Variants in INPP5A observed in about 807,000 individuals in gnomAD.
INPP5A encodes inositol polyphosphate-5-phosphatase A.
In INPP5A, 14 loss-of-function variants were observed where a neutral mutation model predicts 65.2. The observed-to-expected ratio is 0.21, with a 90% CI of 0.14 to 0.34. INPP5A has a LOEUF of 0.34. Ranked by LOEUF, INPP5A falls within the 10% of genes least tolerant of loss-of-function variation. The probability of loss-of-function intolerance (pLI) is 1.00; values close to 1 mark genes in which losing one functional copy is unlikely to be tolerated. For synonymous variants in INPP5A, 207 were observed against 208.3 expected, an observed-to-expected ratio of 0.99 and a Z score of 0.05; for missense variants, 431 against 545.6, an observed-to-expected ratio of 0.79 and a Z score of 2.09.
In INPP5A at chr10:132,759,072, T is replaced by G. The variant is rs555513727; in HGVS notation, c.904-6701T>G. On this transcript the variant is annotated intron_variant, in intron 11 of 15. Coordinates refer to ENST00000368594, the MANE Select transcript of INPP5A (RefSeq NM_005539.5). ...AGACTTTTCTCCCCGAAGGCGGAGT[T>G]CTGATTTCCAGAGCACTGTGCATGG... Among the ~76,000 whole-genome samples, 3 of 152,358 alleles carry G rather than the reference T, an allele frequency of 2.0e-5. No homozygotes were observed. The South Asian group carries it at 6.2e-4, about 32-fold the overall frequency.
intron 5 of INPP5A, among the ~76,000 whole-genome samples, chr10:132,692,047 G>A (rs1845276790): frequency 6.6e-6 from 1 of 152,280 alleles, no homozygotes; most frequent in Admixed American, 6.5e-5. Flanking sequence ...GCGCAGTCGG[G>A]GGGCCTCGGG....
chr10:132,752,166 G>A (rs73387017), intron 11 of INPP5A, among the ~76,000 whole-genome samples: 251 of 145,802 alleles, frequency 1.7e-3, no homozygotes, highest in African/African-American at 5.8e-3. Context: ...CAGGGCTGCC[G>A]TCGTTTGGAG....
intron 1 of INPP5A, among the ~76,000 whole-genome samples, chr10:132,556,368 C>A (rs527970764): frequency 6.6e-6 from 1 of 152,182 alleles, no homozygotes; most frequent in Admixed American, 6.5e-5. Context: ...GAGCCCTCTC[C>A]GTGCACCTCC....
chr10:132,617,820 G>A (rs1215663680), intron 2 of INPP5A, among the ~76,000 whole-genome samples: 1 of 152,238 alleles, frequency 6.6e-6, no homozygotes, highest in African/African-American at 2.4e-5. Context: ...CATCATATGT[G>A]TTTGCCTGCG....
At chr10:132,584,916 G>A (rs1041329459) in intron 1 of INPP5A, among the ~76,000 whole-genome samples, 12 of 152,098 alleles carry the variant, frequency 7.9e-5, no homozygotes, top group African/African-American at 2.7e-4. Context: ...TGTAGAGATG[G>A]GGGTTTCACT....
intron 1 of INPP5A, among the ~76,000 whole-genome samples, chr10:132,599,240 G>T (rs537209237): frequency 6.6e-6 from 1 of 152,332 alleles, no homozygotes; most frequent in African/African-American, 2.4e-5. Context: ...TCAAAAGCAA[G>T]CTAGTTACTT....
intron 14 of INPP5A, among the ~76,000 whole-genome samples, chr10:132,781,472 C>T (rs1204657655): frequency 1.3e-5 from 2 of 152,204 alleles, no homozygotes; most frequent in Non-Finnish European, 2.9e-5. Context: ...GCTGTGAGCC[C>T]CAAACACACC....
intron 8 of INPP5A, among the ~76,000 whole-genome samples, chr10:132,719,163 A>G (rs1167472570): frequency 1.4e-5 from 2 of 142,460 alleles, no homozygotes; most frequent in Non-Finnish European, 3.0e-5. Context: ...GGTGCCTTAG[A>G]CGGCTGTCTT....
rs368717413 is a variant in INPP5A at position 132,674,758 on chromosome 10, G to A, written c.307-15634G>A. Among the ~76,000 whole-genome samples the A allele has an allele frequency of 9.7e-4, 148 of 152,218 alleles. No individual in the cohort carries two copies. The highest frequency in any genetic ancestry group is 3.4e-3 in the African/African-American group (142 of 41,562). On this transcript the variant is annotated intron_variant, in intron 4 of 15. Coordinates refer to ENST00000368594, the MANE Select transcript of INPP5A (RefSeq NM_005539.5). The surrounding 1 kb of genome is among the most constrained non-coding windows in gnomAD (Gnocchi z 4.4). ...TCATGACATGCAGTTCAGGTCACAC[G>A]GTGACTTGATGACCCATAGACAAAC...
intron 4 of INPP5A, among the ~76,000 whole-genome samples, chr10:132,680,476 T>C (rs770720096): frequency 1.1e-4 from 16 of 152,196 alleles, no homozygotes; most frequent in Non-Finnish European, 1.5e-4. Context: ...GCGCAGAAGA[T>C]AGTGAGAGGT....
chr10:132,543,630 C>T (rs1215609905), intron 1 of INPP5A, among the ~76,000 whole-genome samples: 1 of 152,266 alleles, frequency 6.6e-6, no homozygotes, highest in East Asian at 1.9e-4. Flanking sequence ...GCTGCCTAGG[C>T]TAGTCTCAAA....
In INPP5A at chr10:132,710,430, C is replaced by T. The variant is rs755522163; in HGVS notation, c.621C>T (p.His207=). 1.9e-6 allele frequency: 3 copies of T among 1,613,944 alleles called. No homozygotes were observed. Among genetic ancestry groups the T allele is most frequent in the Non-Finnish European group, 1.7e-6 (2 of 1,180,010 alleles). The change falls in exon 8 of 16, where the codon CAC becomes CAT. Residue 207 remains histidine (H), a synonymous_variant. Transcript: ENST00000368594. The part of the protein sequence containing the change: ...TSPSVYSGIR[H]KALGYVLDRI... ...CTTCCGTGTACTCGGGAATCCGGCA[C>T]AAGGCACTGGGCTACGTGCTGGACA... is the stretch of plus-strand genomic sequence containing the variant.
chr10:132,779,401 T>A (rs1847119952), intron 13 of INPP5A, among the ~76,000 whole-genome samples: 1 of 152,212 alleles, frequency 6.6e-6, no homozygotes, highest in African/African-American at 2.4e-5. Context: ...TGCCATCCCC[T>A]GGGAAAACGT....
At chr10:132,764,922 G>T (rs1340137042) in intron 11 of INPP5A, among the ~76,000 whole-genome samples, 5 of 139,188 alleles carry the variant, frequency 3.6e-5, no homozygotes, top group Admixed American at 1.5e-4. Context: ...AGTCCTGCAG[G>T]GGTGGGAGGG....
intron 4 of INPP5A, among the ~76,000 whole-genome samples, chr10:132,660,014 G>A (rs574388129): frequency 2.0e-5 from 3 of 152,332 alleles, no homozygotes; most frequent in East Asian, 1.9e-4. Context: ...CCGCCGACGC[G>A]TGACCCACGG....
intron 1 of INPP5A, among the ~76,000 whole-genome samples, chr10:132,585,792 G>C (rs139336533): frequency 5.2e-4 from 79 of 152,266 alleles, no homozygotes; most frequent in African/African-American, 1.8e-3. Context: ...TTCATTTTCT[G>C]TGTGACGCTC....
At chr10:132,740,221 C>T (rs1451655501) in intron 9 of INPP5A, among the ~76,000 whole-genome samples, 3 of 152,218 alleles carry the variant, frequency 2.0e-5, no homozygotes, top group African/African-American at 7.2e-5. Flanking sequence ...ATTATCTCTG[C>T]CTGTTTGCAG....
At position 132,718,360 on chromosome 10, in the gene INPP5A, A is replaced by C. The variant is rs552158065; in HGVS notation, c.647+7904A>C. On this transcript the variant is annotated intron_variant, in intron 8 of 15. Coordinates refer to ENST00000368594, the MANE Select transcript of INPP5A (RefSeq NM_005539.5). ...CTGAGCACCTTAGACAGCTGTCTTC[A>C]GGGTTCTGTGGTGCCTGGGTTCTGT... Among the ~76,000 whole-genome samples, 22 of 146,638 alleles carry C rather than the reference A, an allele frequency of 1.5e-4. No individual in the cohort carries two copies. The South Asian group carries it at 4.6e-3, about 31-fold the overall frequency.
At chr10:132,591,549 G>T (rs141298288) in intron 1 of INPP5A, among the ~76,000 whole-genome samples, 1 of 152,342 alleles carries the variant, frequency 6.6e-6, no homozygotes, top group African/African-American at 2.4e-5. Context: ...GTTCACATAT[G>T]CAAAAGGTCG....
Sources: allele counts gnomAD v4.1 joint callset (sites outside exome capture counted in the v4.1 genomes callset), GRCh38; gene constraint gnomAD v4.1.1; non-coding constraint Gnocchi (gnomAD v3.1); transcripts MANE v1.5; gene names NCBI Gene and HGNC (gene_info 2026-07-23, HGNC 2026-07-21).